The following ABL1 variants were observed in gnomAD, a reference collection of about 807,000 sequenced individuals.
ABL1 encodes ABL proto-oncogene 1, non-receptor tyrosine kinase, also known as tyrosine-protein kinase ABL1.
In ABL1, 11 loss-of-function variants were observed where a neutral mutation model predicts 94.7. That is an observed-to-expected ratio of 0.12 (90% CI 0.07 to 0.19). ABL1 has a LOEUF of 0.19. Ranked by LOEUF, ABL1 falls within the 10% of genes least tolerant of loss-of-function variation. The pLI is 1.00. For synonymous variants in ABL1, 656 were observed against 622.4 expected (o/e 1.05, Z -0.80); for missense variants, 1,082 against 1,489.4 (o/e 0.73, Z 4.50).
rs1234526797 is a variant in ABL1 at position 130,863,603 on chromosome 9, T to C, written c.822+568T>C. ...TCGCTTTTGACCAACTCAGATACAGTCTGGTCTTTCTTGTTAACTGGGACT... is the reference window on the plus strand; with the variant it reads ...TCGCTTTTGACCAACTCAGATACAGCCTGGTCTTTCTTGTTAACTGGGACT... On this transcript the variant is annotated intron_variant, in intron 4 of 10. Transcript: ENST00000318560. The surrounding 1 kb of genome is among the most constrained non-coding windows in gnomAD (Gnocchi z 4.3). Among the ~76,000 whole-genome samples the C allele has an allele frequency of 6.6e-6, 1 of 152,138 alleles. No homozygotes were observed. The highest frequency in any genetic ancestry group is 2.4e-5 in the African/African-American group (1 of 41,428).
intron 1 of ABL1, among the ~76,000 whole-genome samples, chr9:130,850,944 G>T (rs928855287): frequency 6.6e-6 from 1 of 151,406 alleles, no homozygotes; most frequent in Non-Finnish European, 1.5e-5. Flanking sequence ...TTGTTTTTTT[G>T]AGAGAGTCTC....
At chr9:130,730,970 AGC>A (rs1831657008) in intron 1 of ABL1, among the ~76,000 whole-genome samples, 1 of 134,880 alleles carries the variant, frequency 7.4e-6, no homozygotes, top group Non-Finnish European at 1.6e-5. Flanking sequence ...ACATAATTAT[AGC>A]CATTGTGCGT....
At position 130,872,886 on chromosome 9, in the gene ABL1, T is replaced by C; in HGVS notation, c.934T>C (p.Tyr312His). The change falls in exon 6 of 11, where the codon TAT (tyrosine) becomes CAT (histidine). Residue 312 changes from tyrosine (Y) to histidine (H), a missense_variant. This residue lies in a region of ABL1 where 92 missense variants were observed against 212.3 expected (regional missense o/e 0.43). Coordinates refer to ENST00000318560, the MANE Select transcript of ABL1 (RefSeq NM_005157.6). This position sits in a 1 kb window ranked among gnomAD's most constrained non-coding sequence, Gnocchi z 5.0. The stretch of plus-strand genomic sequence containing the variant: ...GGTCTGCACCCGGGAGCCCCCGTTC[T>C]ATATCATCACTGAGTTCATGACCTA... ...LGVCTREPPF[Y>H]IITEFMTYGN... 1 of 1,613,860 alleles carries C rather than the reference T, an allele frequency of 6.2e-7. No individual in the cohort carries two copies. Among genetic ancestry groups the C allele is most frequent in the Non-Finnish European group, 8.5e-7 (1 of 1,179,768 alleles).
intron 1 of ABL1, among the ~76,000 whole-genome samples, chr9:130,826,532 A>G (rs1048923684): frequency 3.3e-5 from 5 of 152,222 alleles, no homozygotes; most frequent in Admixed American, 6.5e-5. Flanking sequence ...TAGCAGAATC[A>G]AGGATGCCAA....
intron 4 of ABL1, among the ~76,000 whole-genome samples, chr9:130,869,014 A>C (rs1266447344): frequency 2.0e-5 from 3 of 151,978 alleles, no homozygotes; most frequent in African/African-American, 7.2e-5. Context: ...AATAATACAG[A>C]AAATTAGCTG....
upstream of ABL1, chr9:130,833,923 A>G: frequency 2.3e-6 from 1 of 434,642 alleles, no homozygotes. Context: ...ATATAATGAC[A>G]ATGCTAGTTA....
intron 1 of ABL1, among the ~76,000 whole-genome samples, chr9:130,770,426 G>A (rs981020585): frequency 2.6e-5 from 4 of 152,190 alleles, no homozygotes; most frequent in African/African-American, 9.7e-5. Flanking sequence ...AGGATCACCT[G>A]AGCCCAGGAG....
chr9:130,819,853 CT>C (rs777754388), intron 1 of ABL1, among the ~76,000 whole-genome samples: 772 of 142,630 alleles, frequency 5.4e-3, no homozygotes, highest in Middle Eastern at 0.014. Flanking sequence ...AAAATACCTA[CT>C]TTTTTTTTTT....
intron 1 of ABL1, among the ~76,000 whole-genome samples, chr9:130,843,735 C>T (rs939108048): frequency 2.6e-5 from 4 of 151,898 alleles, no homozygotes; most frequent in African/African-American, 4.8e-5. Flanking sequence ...GGCTGGGGAA[C>T]GAACTCTAGG....
rs999288494 is a variant in ABL1 at position 130,779,755 on chromosome 9, T to C, written c.136+65300T>C. Among the ~76,000 whole-genome samples the C allele has an allele frequency of 1.4e-4, 21 of 152,284 alleles. 1 individual carries two copies. The East Asian group carries it at 3.9e-3, about 28-fold the overall frequency. On this transcript the variant is annotated intron_variant, in intron 1 of 10. Coordinates refer to the ABL1 transcript ENST00000372348. ...GGAGTTACTTTAGGTTTAAAACAAA[T>C]GTCATACTCTTGATGCTTTTAGGTA...
chr9:130,802,789 G>C (rs1257718088), intron 1 of ABL1, among the ~76,000 whole-genome samples: 1 of 152,172 alleles, frequency 6.6e-6, no homozygotes, highest in African/African-American at 2.4e-5. Context: ...TGGACTGTAT[G>C]AATGTCAAAT....
At chr9:130,738,078 C>T (rs1831768324) in intron 1 of ABL1, among the ~76,000 whole-genome samples, 1 of 152,116 alleles carries the variant, frequency 6.6e-6, no homozygotes, top group African/African-American at 2.4e-5. Flanking sequence ...GATCCGCCCA[C>T]CTCCACCTCC....
intron 1 of ABL1, among the ~76,000 whole-genome samples, chr9:130,824,086 G>A (rs535119120): frequency 1.4e-4 from 22 of 152,218 alleles, no homozygotes; most frequent in African/African-American, 5.1e-4. Flanking sequence ...TCTGTCTATC[G>A]GAATAGATAT....
rs746051389 is a variant in ABL1 at position 130,885,431 on chromosome 9, C to T, written c.3141C>T (p.Ser1047=). The T allele has an allele frequency of 3.7e-6, 6 of 1,613,730 alleles. No individual in the cohort carries two copies. The highest frequency in any genetic ancestry group is 2.2e-5 in the East Asian group (1 of 44,886). ...TGTGCCTCGCCATCTCTAGGAACTC[C>T]GAGCAGATGGCCAGCCACAGCGCAG... ...EALCLAISRN[S]EQMASHSAVL... is the part of the protein sequence containing the mutation. The change falls in exon 11 of 11, where the codon TCC becomes TCT. Residue 1047 remains serine, a synonymous_variant. Coordinates refer to ENST00000318560, the MANE Select transcript of ABL1 (RefSeq NM_005157.6).
At chr9:130,844,675 C>CCTA (rs2132936087) in intron 1 of ABL1, among the ~76,000 whole-genome samples, 1 of 152,218 alleles carries the variant, frequency 6.6e-6, no homozygotes, top group Non-Finnish European at 1.5e-5. Flanking sequence ...GTGGTAGGCG[C>CCTA]CTGTAATCCT....
chr9:130,771,646 A>G (rs1343532574), intron 1 of ABL1, among the ~76,000 whole-genome samples: 6 of 151,956 alleles, frequency 3.9e-5, no homozygotes, highest in African/African-American at 1.4e-4. Flanking sequence ...TTTATTTTTA[A>G]CCTAATGTGT....
chr9:130,866,468 C>T (rs1831158834), intron 4 of ABL1, among the ~76,000 whole-genome samples: 1 of 152,192 alleles, frequency 6.6e-6, no homozygotes. Context: ...GTCCTTCCCT[C>T]AGCCGATTTT....
chr9:130,862,801 C>G lies in ABL1; in HGVS notation c.588C>G (p.Ala196=), dbSNP rs146008880. 4.3e-6 allele frequency: 7 copies of G among 1,614,006 alleles called. No individual in the cohort carries two copies. Among genetic ancestry groups the G allele is most frequent in the Admixed American group, 1.7e-5 (1 of 60,010 alleles). ...VSSESRFNTL[A]ELVHHHSTVA... ...CCGAGAGCCGCTTCAACACCCTGGCCGAGTTGGTTCATCATCATTCAACGG... is the reference window on the plus strand; with the variant it reads ...CCGAGAGCCGCTTCAACACCCTGGCGGAGTTGGTTCATCATCATTCAACGG... Residue 196 remains alanine, a synonymous_variant, in exon 4 of 11, where the codon GCC becomes GCG. Coordinates refer to ENST00000318560, the MANE Select transcript of ABL1 (RefSeq NM_005157.6). This position sits in a 1 kb window ranked among gnomAD's most constrained non-coding sequence, Gnocchi z 5.5.
chr9:130,756,664 T>C (rs974926690), intron 1 of ABL1, among the ~76,000 whole-genome samples: 3 of 152,294 alleles, frequency 2.0e-5, no homozygotes. Context: ...ATGTTTCTGT[T>C]GTTGCTCCTT....
Sources: gnomAD v4.1 joint callset for allele counts (sites outside exome capture counted in the v4.1 genomes callset) on GRCh38, gnomAD v4.1.1 for gene constraint, gnomAD v4.1.1 regional missense constraint, Gnocchi (gnomAD v3.1) non-coding constraint, MANE v1.5 for transcripts, NCBI Gene and HGNC (gene_info 2026-07-23, HGNC 2026-07-21) for gene names.